MAF: variants seen among roughly 807,000 people sequenced by gnomAD.
MAF encodes the protein transcription factor Maf.
In MAF, 10 loss-of-function variants were observed where a neutral mutation model predicts 22.0. The observed-to-expected ratio is 0.45, with a 90% CI of 0.28 to 0.77. MAF has a LOEUF of 0.77. MAF is among the 30% of genes least tolerant of loss of function. MAF has a pLI of 0.12. For missense variants in MAF, 544 were observed against 548.4 expected, an observed-to-expected ratio of 0.99 and a Z score of 0.08; for synonymous variants, 337 against 255.8, an observed-to-expected ratio of 1.32 and a Z score of -3.03.
chr16:79,531,619 G>A, the MAF span, among the ~76,000 whole-genome samples: 1 of 152,086 alleles, frequency 6.6e-6, no homozygotes, highest in Non-Finnish European at 1.5e-5. Flanking sequence ...GCACAACCTA[G>A]ATCCCTTGCA....
the MAF span, among the ~76,000 whole-genome samples, chr16:79,211,281 A>T: frequency 2.0e-5 from 3 of 152,218 alleles, no homozygotes; most frequent in Non-Finnish European, 4.4e-5. Context: ...TTGCACGTTC[A>T]GAAGGATACC....
the MAF span, among the ~76,000 whole-genome samples, chr16:79,530,118 T>C: frequency 1.3e-5 from 2 of 152,226 alleles, no homozygotes; most frequent in Admixed American, 1.3e-4. Flanking sequence ...AGTGAATTAG[T>C]ATTACTACGT....
chr16:79,369,639 T>G, the MAF span, among the ~76,000 whole-genome samples: 17 of 152,218 alleles, frequency 1.1e-4, no homozygotes, highest in African/African-American at 2.4e-4. Context: ...GAAGCAACTT[T>G]GGGGGAATTG....
chr16:79,435,589 C>T, the MAF span, among the ~76,000 whole-genome samples: 3 of 152,136 alleles, frequency 2.0e-5, no homozygotes, highest in Admixed American at 2.0e-4. Flanking sequence ...AACTGAGGCT[C>T]AGGAAGCTGG....
the MAF span, among the ~76,000 whole-genome samples, chr16:79,455,231 T>C: frequency 2.0e-5 from 3 of 152,084 alleles, no homozygotes; most frequent in Admixed American, 2.0e-4. Context: ...AGTGAAGCCA[T>C]GGTATATTCC....
At chr16:79,310,131 C>G in the MAF span, among the ~76,000 whole-genome samples, 1 of 152,118 alleles carries the variant, frequency 6.6e-6, no homozygotes, top group Non-Finnish European at 1.5e-5. Context: ...TTTAATGGAA[C>G]TGGGCAATAT....
chr16:79,272,124 C>T, the MAF span, among the ~76,000 whole-genome samples: 1 of 152,180 alleles, frequency 6.6e-6, no homozygotes, highest in African/African-American at 2.4e-5. Context: ...TAGTGGGCAG[C>T]AGGCGGGGGC....
chr16:79,533,151 C>A, the MAF span, among the ~76,000 whole-genome samples: 1 of 152,286 alleles, frequency 6.6e-6, no homozygotes, highest in South Asian at 2.1e-4. Flanking sequence ...AGCCATGGAT[C>A]AAGAACATTA....
the MAF span, among the ~76,000 whole-genome samples, chr16:79,344,893 A>G: frequency 6.6e-6 from 1 of 152,250 alleles, no homozygotes; most frequent in Non-Finnish European, 1.5e-5. Flanking sequence ...GCAAATCCTC[A>G]TAACTTTAAA....
the MAF span, among the ~76,000 whole-genome samples, chr16:79,392,331 A>C: frequency 8.2e-4 from 117 of 142,740 alleles, no homozygotes; most frequent in African/African-American, 3.0e-3. Flanking sequence ...GGAGGAGGGG[A>C]GAGGAGAGAG....
chr16:79,212,162 C>T, the MAF span: 4 of 1,494,702 alleles, frequency 2.7e-6, no homozygotes, highest in African/African-American at 2.8e-5. Flanking sequence ...CAGCTACCAC[C>T]ACGGCCACCA....
At chr16:79,373,631 G>C in the MAF span, among the ~76,000 whole-genome samples, 1 of 151,964 alleles carries the variant, frequency 6.6e-6, no homozygotes, top group South Asian at 2.1e-4. Context: ...ACCTGCCTCA[G>C]CCTCCCAAAG....
downstream of MAF, among the ~76,000 whole-genome samples, chr16:79,589,415 T>A (rs924910124): frequency 1.3e-5 from 2 of 152,158 alleles, no homozygotes; most frequent in Non-Finnish European, 2.9e-5. Flanking sequence ...TAAAGATTTT[T>A]AAACATGCTA....
chr16:79,432,418 A>T, the MAF span, among the ~76,000 whole-genome samples: 4 of 152,198 alleles, frequency 2.6e-5, no homozygotes, highest in African/African-American at 9.7e-5. Flanking sequence ...CATGCCTATG[A>T]TAAGATTTAA....
At chr16:79,462,929 A>G in the MAF span, among the ~76,000 whole-genome samples, 1 of 152,236 alleles carries the variant, frequency 6.6e-6, no homozygotes, top group South Asian at 2.1e-4. Flanking sequence ...GCTTAGCATT[A>G]TGAAGTTACA....
chr16:79,532,169 C>G, the MAF span, among the ~76,000 whole-genome samples: 1 of 152,152 alleles, frequency 6.6e-6, no homozygotes, highest in Non-Finnish European at 1.5e-5. Context: ...CTAAGTCTGG[C>G]AAACTGACCC....
At chr16:79,402,389 C>G in the MAF span, among the ~76,000 whole-genome samples, 1 of 152,166 alleles carries the variant, frequency 6.6e-6, no homozygotes, top group Non-Finnish European at 1.5e-5. Flanking sequence ...AGCAGGAAGG[C>G]CCCTGCTCTC....
chr16:79,483,969 C>G, the MAF span, among the ~76,000 whole-genome samples: 4 of 152,106 alleles, frequency 2.6e-5, no homozygotes, highest in Non-Finnish European at 5.9e-5. Context: ...TGACAAATAC[C>G]AGTGGTGGTA....
the MAF span, among the ~76,000 whole-genome samples, chr16:79,510,727 G>A: frequency 3.6e-4 from 55 of 152,276 alleles, no homozygotes; most frequent in Middle Eastern, 3.4e-3. Flanking sequence ...CTCTGCTGTA[G>A]CTGTCTTGAC....
Sources: allele counts gnomAD v4.1 joint callset (sites outside exome capture counted in the v4.1 genomes callset), GRCh38; gene constraint gnomAD v4.1.1; transcripts MANE v1.5; gene names NCBI Gene and HGNC (gene_info 2026-07-23, HGNC 2026-07-21).